Variants in LYN observed in about 807,000 individuals in gnomAD.
LYN encodes the protein LYN proto-oncogene, Src family tyrosine kinase, also known as tyrosine-protein kinase Lyn.
Under a neutral mutation model 65.0 loss-of-function variants are expected in LYN, and 12 were observed. That is an observed-to-expected ratio of 0.18 (90% CI 0.12 to 0.30). The LOEUF (loss-of-function observed/expected upper bound fraction) is 0.30. LYN is among the 10% of genes least tolerant of loss of function. The pLI, the probability that LYN is intolerant of heterozygous loss-of-function variation, is 1.00. For missense variants in LYN, 380 were observed against 623.2 expected, an observed-to-expected ratio of 0.61 and a Z score of 4.16; for synonymous variants, 222 against 221.2, an observed-to-expected ratio of 1.00 and a Z score of -0.03.
At chr8:55,884,563 C>T (rs1370770544) in intron 1 of LYN, among the ~76,000 whole-genome samples, 1 of 152,088 alleles carries the variant, frequency 6.6e-6, no homozygotes, top group African/African-American at 2.4e-5. Flanking sequence ...TCAAGTGATT[C>T]TCCTGCCTCA....
At chr8:56,006,781 G>A (rs1225251170) in intron 12 of LYN, among the ~76,000 whole-genome samples, 2 of 152,164 alleles carry the variant, frequency 1.3e-5, no homozygotes, top group African/African-American at 4.8e-5. Flanking sequence ...CCAGCTAATG[G>A]GTGTTTACTT....
chr8:55,899,123 A>G (rs1805192863), intron 1 of LYN, among the ~76,000 whole-genome samples: 1 of 152,230 alleles, frequency 6.6e-6, no homozygotes, highest in African/African-American at 2.4e-5. Context: ...CAGCACAGTT[A>G]CTACCTGTTT....
intron 1 of LYN, among the ~76,000 whole-genome samples, chr8:55,886,935 A>T (rs1295701070): frequency 6.6e-6 from 1 of 152,134 alleles, no homozygotes; most frequent in African/African-American, 2.4e-5. Flanking sequence ...AACTCTAGTC[A>T]CCCTACCAGG....
intron 9 of LYN, 35 bp downstream of exon 9, chr8:55,966,932 C>T (rs1226856403): frequency 6.3e-7 from 1 of 1,584,702 alleles, no homozygotes; most frequent in African/African-American, 1.4e-5. Flanking sequence ...CTTGCAAGGG[C>T]TTCAAACTCA....
At chr8:55,981,526 T>A (rs191517657) in intron 10 of LYN, among the ~76,000 whole-genome samples, 67 of 152,218 alleles carry the variant, frequency 4.4e-4, no homozygotes, top group Middle Eastern at 3.4e-3. Flanking sequence ...TTTAAAAAAA[T>A]TTTTTTTAAT....
intron 1 of LYN, among the ~76,000 whole-genome samples, chr8:55,912,112 A>T (rs931239630): frequency 2.0e-5 from 3 of 152,186 alleles, no homozygotes; most frequent in Non-Finnish European, 4.4e-5. Flanking sequence ...CTTAGAGATA[A>T]TCATTTAAAC....
intron 1 of LYN, among the ~76,000 whole-genome samples, chr8:55,890,644 G>A (rs1323293247): frequency 6.6e-6 from 1 of 151,942 alleles, no homozygotes; most frequent in Non-Finnish European, 1.5e-5. Flanking sequence ...GTTCATAGTA[G>A]CATTATTCAC....
chr8:55,903,371 AC>A (rs1406346968), intron 1 of LYN, among the ~76,000 whole-genome samples: 10 of 152,258 alleles, frequency 6.6e-5, no homozygotes, highest in African/African-American at 2.4e-4. Context: ...ATTCAAAAGA[AC>A]AGAGAGATTC....
intron 10 of LYN, among the ~76,000 whole-genome samples, chr8:55,987,978 A>G (rs1005520231): frequency 6.6e-6 from 1 of 152,204 alleles, no homozygotes; most frequent in African/African-American, 2.4e-5. Context: ...CAAAGTATAG[A>G]TTTCACTATT....
chr8:56,003,808 GATA>G (rs1808598470), intron 12 of LYN, among the ~76,000 whole-genome samples: 1 of 151,702 alleles, frequency 6.6e-6, no homozygotes. Flanking sequence ...GAAATACTAA[GATA>G]ATATACTGAA....
intron 10 of LYN, among the ~76,000 whole-genome samples, chr8:55,976,326 CAAAAAAAAAA>C (rs35717306): frequency 1.2e-5 from 1 of 85,672 alleles, no homozygotes; most frequent in Non-Finnish European, 2.5e-5. Flanking sequence ...GACTCCATCT[CAAAAAAAAAA>C]AAAAAAAAGA....
At chr8:55,957,516 T>A (rs985286329) in intron 8 of LYN, among the ~76,000 whole-genome samples, 10 of 152,264 alleles carry the variant, frequency 6.6e-5, no homozygotes, top group Non-Finnish European at 1.3e-4. Context: ...TTCTAGCCTC[T>A]CCTGTTCAGC....
intron 1 of LYN, among the ~76,000 whole-genome samples, chr8:55,907,605 G>A (rs953147837): frequency 3.3e-5 from 5 of 152,124 alleles, no homozygotes; most frequent in African/African-American, 9.7e-5. Context: ...AGTGGCTCAC[G>A]CCTGTAATCC....
intron 1 of LYN, among the ~76,000 whole-genome samples, chr8:55,932,823 A>G (rs866176213): frequency 6.6e-6 from 1 of 152,216 alleles, no homozygotes; most frequent in East Asian, 1.9e-4. Flanking sequence ...AGCAACATGG[A>G]TGCAGCTGGA....
intron 10 of LYN, among the ~76,000 whole-genome samples, chr8:55,988,520 T>A (rs556584500): frequency 6.6e-6 from 1 of 152,300 alleles, no homozygotes; most frequent in East Asian, 1.9e-4. Context: ...TGAACATCAT[T>A]AATTATGTGA....
In LYN at chr8:55,953,956, C is replaced by T. The variant is rs2227979; in HGVS notation, c.762C>T (p.Gly254=). Residue 254 remains glycine, a synonymous_variant, in exon 8 of 13, where the codon GGC becomes GGT. Transcript: ENST00000519728. ...CCATCAAGTTGGTGAAAAGGCTTGG[C>T]GCTGGGCAGTTTGGGGAAGTCTGGA... The part of the protein sequence containing the change: ...RESIKLVKRL[G]AGQFGEVWMG... 2.7e-3 allele frequency: 4,281 copies of T among 1,613,974 alleles called. 98 individuals are homozygous for T. In the African/African-American group the frequency reaches 0.049, roughly 18 times the overall value.
chr8:55,977,345 T>C (rs1289403399), intron 10 of LYN, among the ~76,000 whole-genome samples: 1 of 152,208 alleles, frequency 6.6e-6, no homozygotes, highest in Non-Finnish European at 1.5e-5. Context: ...GTTTTACCCT[T>C]TTAGTCAAAG....
chr8:55,949,667 T>C (rs1159093735), intron 4 of LYN, among the ~76,000 whole-genome samples: 2 of 152,242 alleles, frequency 1.3e-5, no homozygotes, highest in Non-Finnish European at 2.9e-5. Flanking sequence ...AGCATATCCA[T>C]CATCTGGAAC....
In LYN at chr8:55,901,672, G is replaced by T. The variant is rs1435078996; in HGVS notation, c.-6+21569G>T. Among the ~76,000 whole-genome samples, 3 of 152,162 alleles carry T rather than the reference G, an allele frequency of 2.0e-5. No homozygotes were observed. In the East Asian group the frequency reaches 5.8e-4, roughly 29 times the overall value. On this transcript the variant is annotated intron_variant, in intron 1 of 12. Coordinates refer to ENST00000519728, the MANE Select transcript of LYN (RefSeq NM_002350.4). ...AGTGCTGATTCAGAAAGAGCATTGG[G>T]CATACACTTCAGGAAACCCTACCTG...
Sources: gnomAD v4.1 joint callset for allele counts (sites outside exome capture counted in the v4.1 genomes callset) on GRCh38, gnomAD v4.1.1 for gene constraint, MANE v1.5 for transcripts, NCBI Gene and HGNC (gene_info 2026-07-23, HGNC 2026-07-21) for gene names.